FRMPD1: variants seen among roughly 807,000 people sequenced by gnomAD.
FRMPD1 encodes FERM and PDZ domain containing 1, also known as FERM and PDZ domain-containing protein 1.
In FRMPD1, 76 loss-of-function variants were observed where a neutral mutation model predicts 117.8. That is an observed-to-expected ratio of 0.65 (90% CI 0.54 to 0.78). The LOEUF (loss-of-function observed/expected upper bound fraction) is 0.78, where lower values mean the gene tolerates loss of function less well. Ranked by LOEUF, FRMPD1 falls within the 30% of genes least tolerant of loss-of-function variation. FRMPD1 has a pLI of 0.00. For synonymous variants in FRMPD1, 783 were observed against 770.4 expected (o/e 1.02, Z -0.27); for missense variants, 1,786 against 1,964.5 (o/e 0.91, Z 1.72).
chr9:37,680,030 A>T (rs1821667751), intron 1 of FRMPD1, among the ~76,000 whole-genome samples: 1 of 152,136 alleles, frequency 6.6e-6, no homozygotes, highest in African/African-American at 2.4e-5. Context: ...AAAGTGGATG[A>T]CTTGTGTGAC....
At position 37,745,798 on chromosome 9, in the gene FRMPD1, C is replaced by T. The variant is rs775605411; in HGVS notation, c.3766C>T (p.Leu1256=). 5.0e-6 allele frequency: 8 copies of T among 1,614,156 alleles called. No individual in the cohort carries two copies. The highest frequency in any genetic ancestry group is 1.3e-5 in the African/African-American group (1 of 75,046). The change falls in exon 16 of 16, where the codon CTG becomes TTG. Residue 1256 remains leucine, a synonymous_variant. Coordinates refer to ENST00000377765, the MANE Select transcript of FRMPD1 (RefSeq NM_014907.3). Reference sequence around the variant, plus strand: ...GGTCTGTTTTAATCCTGAGCCTTCCCTGCCAGAACCACTACCATGTCCACA... The same window carrying T: ...GGTCTGTTTTAATCCTGAGCCTTCCTTGCCAGAACCACTACCATGTCCACA... The part of the protein sequence containing the change: ...EWVCFNPEPS[L]PEPLPCPQED...
At chr9:37,690,345 T>C (rs1465747189) in intron 1 of FRMPD1, among the ~76,000 whole-genome samples, 1 of 152,192 alleles carries the variant, frequency 6.6e-6, no homozygotes, top group Non-Finnish European at 1.5e-5. Context: ...CCTCTTCTTG[T>C]TTCATGAATA....
At chr9:37,738,087 C>T (rs1204940516) in intron 14 of FRMPD1, among the ~76,000 whole-genome samples, 1 of 152,128 alleles carries the variant, frequency 6.6e-6, no homozygotes, top group Non-Finnish European at 1.5e-5. Flanking sequence ...CAACTCCCTG[C>T]AGAGGGACAA....
chr9:37,622,394 A>T, the FRMPD1 span, among the ~76,000 whole-genome samples: 5 of 152,236 alleles, frequency 3.3e-5, no homozygotes, highest in Admixed American at 2.6e-4. Flanking sequence ...CATCCTTATC[A>T]AATTATCTCA....
chr9:37,664,638 C>T (rs1048249471), intron 1 of FRMPD1, among the ~76,000 whole-genome samples: 4 of 152,154 alleles, frequency 2.6e-5, no homozygotes, highest in African/African-American at 9.7e-5. Context: ...AGGACATCAA[C>T]TTTTTGATGA....
chr9:37,605,559 C>T, the FRMPD1 span, among the ~76,000 whole-genome samples: 2 of 152,222 alleles, frequency 1.3e-5, no homozygotes, highest in African/African-American at 2.4e-5. Context: ...CCTAGAGGAG[C>T]CCCCTGCTAA....
At chr9:37,731,753 G>C (rs1018780692) in intron 9 of FRMPD1, among the ~76,000 whole-genome samples, 1 of 152,066 alleles carries the variant, frequency 6.6e-6, no homozygotes. Flanking sequence ...CACACCTACA[G>C]TTCCAGCTGC....
intron 1 of FRMPD1, among the ~76,000 whole-genome samples, chr9:37,660,178 G>T (rs1169437334): frequency 1.3e-5 from 2 of 152,082 alleles, no homozygotes; most frequent in African/African-American, 4.8e-5. Flanking sequence ...GAGGCGGGGA[G>T]GGAGGAGAGA....
the FRMPD1 span, among the ~76,000 whole-genome samples, chr9:37,632,738 C>G: frequency 6.6e-6 from 1 of 152,058 alleles, no homozygotes; most frequent in African/African-American, 2.4e-5. Context: ...CTGCAGTACT[C>G]TAATTAGCCA....
At chr9:37,725,656 G>A (rs1388168766) in intron 7 of FRMPD1, among the ~76,000 whole-genome samples, 1 of 152,196 alleles carries the variant, frequency 6.6e-6, no homozygotes, top group African/African-American at 2.4e-5. Context: ...TGGAGGAATA[G>A]ACTTTAAGTG....
intron 1 of FRMPD1, among the ~76,000 whole-genome samples, chr9:37,660,962 A>G (rs2119384955): frequency 6.6e-6 from 1 of 152,344 alleles, no homozygotes; most frequent in East Asian, 1.9e-4. Flanking sequence ...TACAGTCATC[A>G]GTAGTATCCT....
intron 4 of FRMPD1, among the ~76,000 whole-genome samples, chr9:37,710,129 A>G (rs541524566): frequency 1.3e-5 from 2 of 152,356 alleles, no homozygotes; most frequent in Admixed American, 6.5e-5. Context: ...CCAAATAGCT[A>G]TGAGGCCAGT....
chr9:37,661,024 C>G (rs903617248), intron 1 of FRMPD1, among the ~76,000 whole-genome samples: 3 of 152,214 alleles, frequency 2.0e-5, no homozygotes, highest in Admixed American at 6.5e-5. Context: ...CTTATATTCT[C>G]TCCTGGAGTT....
rs751873859 is a variant in FRMPD1, at chr9:37,745,570, G to T, written c.3538G>T (p.Asp1180Tyr). 1 of 1,614,104 alleles carries T rather than the reference G, an allele frequency of 6.2e-7. No homozygotes were observed. Among genetic ancestry groups the T allele is most frequent in the South Asian group, 1.1e-5 (1 of 91,076 alleles). The change falls in exon 16 of 16, where the codon GAC becomes TAC. Residue 1180 changes from aspartate (D) to tyrosine (Y), a missense_variant. By Grantham distance (160) the Asp-to-Tyr change is radical. Coordinates refer to ENST00000377765, the MANE Select transcript of FRMPD1 (RefSeq NM_014907.3). ...GCAGATCCCACCACATCCCCCTAGA[G>T]ACCCTCAAGGACAGAGCAGAGAACC... ...TEQIPPHPPR[D>Y]PQGQSREPPG...
At chr9:37,642,819 C>T in the FRMPD1 span, among the ~76,000 whole-genome samples, 1 of 152,190 alleles carries the variant, frequency 6.6e-6, no homozygotes, top group African/African-American at 2.4e-5. Flanking sequence ...AATGTTAGCA[C>T]TTAACTCTGC....
At chr9:37,741,580 T>C (rs1261166986) in intron 15 of FRMPD1, among the ~76,000 whole-genome samples, 2 of 152,198 alleles carry the variant, frequency 1.3e-5, no homozygotes, top group Non-Finnish European at 2.9e-5. Context: ...CCCTTGTTCC[T>C]GTCTCGGCAC....
At chr9:37,719,027 T>C (rs1225814290) in intron 5 of FRMPD1, 42 bp from the exon 6 acceptor site, 2 of 1,204,380 alleles carry the variant, frequency 1.7e-6, no homozygotes, top group Admixed American at 3.4e-5. Flanking sequence ...CTGGCTTTTA[T>C]GAAAGCACTG....
chr9:37,702,248 A>G (rs1007307491), intron 2 of FRMPD1, among the ~76,000 whole-genome samples: 11 of 152,218 alleles, frequency 7.2e-5, no homozygotes, highest in African/African-American at 2.7e-4. Context: ...AACATATTAG[A>G]TATGTACAGT....
chr9:37,734,442 C>T (rs1378843033), intron 12 of FRMPD1, among the ~76,000 whole-genome samples: 1 of 151,596 alleles, frequency 6.6e-6, no homozygotes, highest in East Asian at 1.9e-4. Context: ...TGCTCTCTTC[C>T]CATTCTCCTG....
Sources: allele counts gnomAD v4.1 joint callset (sites outside exome capture counted in the v4.1 genomes callset), GRCh38; gene constraint gnomAD v4.1.1; transcripts MANE v1.5; gene names NCBI Gene and HGNC (gene_info 2026-07-23, HGNC 2026-07-21).